Variants in CTNND2 observed in about 807,000 individuals in gnomAD.
The protein encoded by CTNND2 is catenin delta-2.
In CTNND2, 22 loss-of-function variants were observed where a neutral mutation model predicts 144.4. That is an observed-to-expected ratio of 0.15 (90% confidence interval 0.11 to 0.22). The LOEUF (loss-of-function observed/expected upper bound fraction) is 0.22. CTNND2 is among the 10% of genes least tolerant of loss of function. CTNND2 has a pLI of 1.00. For synonymous variants in CTNND2, 751 were observed against 695.6 expected (o/e 1.08, Z -1.25); for missense variants, 1,353 against 1,618.8 (o/e 0.84, Z 2.82).
intron 12 of CTNND2, among the ~76,000 whole-genome samples, chr5:11,156,905 G>A (rs1758268281): frequency 6.6e-6 from 1 of 152,212 alleles, no homozygotes; most frequent in Non-Finnish European, 1.5e-5. Flanking sequence ...ATCTCTGGAA[G>A]CAAATTTAAG....
chr5:11,176,204 C>A (rs1042151182), intron 11 of CTNND2, among the ~76,000 whole-genome samples: 1 of 152,098 alleles, frequency 6.6e-6, no homozygotes, highest in African/African-American at 2.4e-5. Context: ...AGTCTATTGA[C>A]ACCTGTATTT....
chr5:11,106,449 T>C (rs1476623615), intron 14 of CTNND2, among the ~76,000 whole-genome samples: 2 of 152,180 alleles, frequency 1.3e-5, no homozygotes, highest in Non-Finnish European at 2.9e-5. Context: ...TGTCATAAAG[T>C]GGTCAGCAAA....
chr5:11,868,346 C>A (rs563908005), intron 1 of CTNND2, among the ~76,000 whole-genome samples: 183 of 152,220 alleles, frequency 1.2e-3, no homozygotes, highest in Non-Finnish European at 1.6e-3. Context: ...ACCCAAGCTA[C>A]CAGTTTGAAC....
At chr5:11,391,372 T>G (rs1309834314) in intron 6 of CTNND2, among the ~76,000 whole-genome samples, 1 of 152,116 alleles carries the variant, frequency 6.6e-6, no homozygotes, top group Non-Finnish European at 1.5e-5. Flanking sequence ...CGATTTGATC[T>G]CACAATTTTG....
At chr5:11,792,636 T>C (rs574333324) in intron 1 of CTNND2, among the ~76,000 whole-genome samples, 1 of 152,366 alleles carries the variant, frequency 6.6e-6, no homozygotes, top group African/African-American at 2.4e-5. Context: ...GTGTTCAAGA[T>C]ATTATTCATG....
At chr5:11,625,855 T>G (rs186074815) in intron 2 of CTNND2, among the ~76,000 whole-genome samples, 157 of 152,282 alleles carry the variant, frequency 1.0e-3, no homozygotes, top group African/African-American at 3.8e-3. Flanking sequence ...TATCTTAAAA[T>G]TGGTCAGTAT....
rs934144840 is a variant in CTNND2 at position 11,029,884 on chromosome 5, T to A, written c.2789-6905A>T. Among the ~76,000 whole-genome samples the A allele has an allele frequency of 2.6e-5, 4 of 152,352 alleles. No individual in the cohort carries two copies. In the South Asian group the frequency reaches 8.3e-4, roughly 32 times the overall value. On this transcript the variant is annotated intron_variant, in intron 16 of 21. Transcript: ENST00000304623. ...ATTTCTTCTTATACCTTTGAATTAC[T>A]GTTTAGTGTTCTTGCATTTCAACAT...
intron 3 of CTNND2, among the ~76,000 whole-genome samples, chr5:11,463,835 C>T (rs1388188907): frequency 6.7e-6 from 1 of 149,656 alleles, no homozygotes; most frequent in Non-Finnish European, 1.5e-5. Context: ...GCTTTGACAG[C>T]TGAGGAAAGC....
At chr5:11,602,415 C>T (rs1206222597) in intron 2 of CTNND2, among the ~76,000 whole-genome samples, 2 of 151,464 alleles carry the variant, frequency 1.3e-5, no homozygotes, top group South Asian at 2.1e-4. Flanking sequence ...ATAATAAACA[C>T]GATGACATTA....
In CTNND2 at chr5:11,402,807, C is replaced by A. The variant is rs186218756; in HGVS notation, c.440-5604G>T. Among the ~76,000 whole-genome samples the A allele has an allele frequency of 3.3e-5, 5 of 152,322 alleles. No individual in the cohort carries two copies. In the East Asian group the frequency reaches 9.6e-4, roughly 29 times the overall value. On this transcript the variant is annotated intron_variant, in intron 5 of 21. Coordinates refer to ENST00000304623, the MANE Select transcript of CTNND2 (RefSeq NM_001332.4). ...TTCTAAGCCTCTGTCTCCAGAATATCTATTTCGTCTGGTCAGTTGCTTTCA... is the reference window on the plus strand; with the variant it reads ...TTCTAAGCCTCTGTCTCCAGAATATATATTTCGTCTGGTCAGTTGCTTTCA...
At chr5:11,888,518 C>A (rs933825552) in intron 1 of CTNND2, among the ~76,000 whole-genome samples, 4 of 152,164 alleles carry the variant, frequency 2.6e-5, no homozygotes, top group African/African-American at 9.7e-5. Context: ...ATTCCAATCT[C>A]TTATTTGTCA....
Position 11,013,237 on chromosome 5 carries a change from G to C in CTNND2, c.3084+4737C>G, listed in dbSNP as rs1041768891. On this transcript the variant is annotated intron_variant, in intron 18 of 21. Transcript: ENST00000304623. ...TGTCCTCCAATCAGACTTCTCCATG[G>C]GTGTCCACTCTCCATCAAACTTAAG... 2.6e-5 allele frequency among the ~76,000 whole-genome samples: 4 copies of C among 151,952 alleles called. No individual in the cohort carries two copies. In the South Asian group the frequency reaches 8.3e-4, roughly 32 times the overall value.
chr5:11,630,181 A>G (rs1781346282), intron 2 of CTNND2, among the ~76,000 whole-genome samples: 1 of 152,182 alleles, frequency 6.6e-6, no homozygotes, highest in Admixed American at 6.6e-5. Flanking sequence ...GGGCCAATGC[A>G]TAGTTCACCA....
At chr5:11,326,302 A>G (rs1363501683) in intron 9 of CTNND2, among the ~76,000 whole-genome samples, 1 of 152,168 alleles carries the variant, frequency 6.6e-6, no homozygotes, top group Non-Finnish European at 1.5e-5. Context: ...TAGATGCAAG[A>G]GTTGAGAAGG....
Position 11,323,791 on chromosome 5 carries a change from G to C in CTNND2, c.1628+22581C>G, listed in dbSNP as rs76335533. On this transcript the variant is annotated intron_variant, in intron 9 of 21. Transcript: ENST00000304623. ...AGGTGTAAATATGACACTCTGGAGA[G>C]AGGCCTGGCATTGGGGACATAAAGC... Among the ~76,000 whole-genome samples the C allele has an allele frequency of 3.0e-3, 463 of 152,300 alleles. 7 individuals carry two copies. The East Asian group carries it at 0.033, about 11-fold the overall frequency.
chr5:11,335,179 T>A (rs1304660436), intron 9 of CTNND2, among the ~76,000 whole-genome samples: 3 of 152,238 alleles, frequency 2.0e-5, no homozygotes, highest in Non-Finnish European at 4.4e-5. Flanking sequence ...ATTGTCAAAC[T>A]TGAAATGCAC....
At chr5:11,130,349 C>A (rs920105824) in intron 12 of CTNND2, among the ~76,000 whole-genome samples, 1 of 152,140 alleles carries the variant, frequency 6.6e-6, no homozygotes, top group Non-Finnish European at 1.5e-5. Context: ...CGTTTTAAGA[C>A]TGCCTGGATC....
intron 10 of CTNND2, among the ~76,000 whole-genome samples, chr5:11,206,379 C>T (rs1738049827): frequency 6.6e-6 from 1 of 152,130 alleles, no homozygotes; most frequent in African/African-American, 2.4e-5. Context: ...TTGCTGAACA[C>T]CGTAAATGAG....
intron 16 of CTNND2, among the ~76,000 whole-genome samples, chr5:11,059,574 A>C (rs1298651415): frequency 6.6e-6 from 1 of 152,230 alleles, no homozygotes; most frequent in Admixed American, 6.5e-5. Flanking sequence ...AGTCTTGTAC[A>C]TCATCCGTAC....
Sources: allele counts gnomAD v4.1 joint callset (sites outside exome capture counted in the v4.1 genomes callset), GRCh38; gene constraint gnomAD v4.1.1; transcripts MANE v1.5; gene names NCBI Gene and HGNC (gene_info 2026-07-23, HGNC 2026-07-21).